The following ZNF644 variants were observed in gnomAD, a reference collection of about 807,000 sequenced individuals.
The protein encoded by ZNF644 is zinc finger protein 644, also known as zinc finger motif enhancer binding protein 2.
ZNF644 carries 20 observed loss-of-function variants against 108.0 expected under a neutral mutation model. The observed-to-expected ratio is 0.19, with a 90% CI of 0.13 to 0.27. ZNF644 has a LOEUF of 0.27. Ranked by LOEUF, ZNF644 falls within the 10% of genes least tolerant of loss-of-function variation. ZNF644 has a pLI of 1.00. For missense variants in ZNF644, 1,338 were observed against 1,548.9 expected (o/e 0.86, Z 2.29); for synonymous variants, 542 against 539.1 (o/e 1.01, Z -0.08).
At chr1:90,947,573 G>A (rs2101017712) in intron 2 of ZNF644, among the ~76,000 whole-genome samples, 1 of 152,098 alleles carries the variant, frequency 6.6e-6, no homozygotes, top group Admixed American at 6.6e-5. Flanking sequence ...TGAGCCTTCT[G>A]GTATTCTTTA....
intron 2 of ZNF644, among the ~76,000 whole-genome samples, chr1:90,946,910 A>G (rs1652573627): frequency 6.6e-6 from 1 of 152,168 alleles, no homozygotes; most frequent in South Asian, 2.1e-4. Context: ...GTACCAGACC[A>G]TAAACACCTA....
chr1:90,987,246 GTTTTTTT>G (rs55996875), intron 1 of ZNF644, among the ~76,000 whole-genome samples: 3 of 121,126 alleles, frequency 2.5e-5, no homozygotes, highest in African/African-American at 6.5e-5. Context: ...CCTAGAGTTG[GTTTTTTT>G]TTTTTTTTTT....
intron 1 of ZNF644, among the ~76,000 whole-genome samples, chr1:90,992,842 T>C (rs2101602992): frequency 6.6e-6 from 1 of 152,012 alleles, no homozygotes; most frequent in South Asian, 2.1e-4. Context: ...AAGCCAGAAG[T>C]TCAAGCAGCC....
At position 90,941,254 on chromosome 1, in the gene ZNF644, C is replaced by CG; in HGVS notation, c.99dup (p.Asp34ArgfsTer6). 1 of 1,600,102 alleles carries CG rather than the reference C, an allele frequency of 6.2e-7. No individual in the cohort carries two copies. Among genetic ancestry groups the CG allele is most frequent in the Non-Finnish European group, 8.5e-7 (1 of 1,176,278 alleles). ...AGTTCTTCTTTAGCACCAGTAATAT[C>CG]GGTGTTTATCTTCAAATCATCCATA... On this transcript the variant is annotated frameshift_variant, in exon 3 of 6. Coordinates refer to ENST00000337393, the MANE Select transcript of ZNF644 (RefSeq NM_201269.3). LOFTEE classifies it high-confidence loss of function.
chr1:90,966,884 G>A (rs915345982), intron 2 of ZNF644, among the ~76,000 whole-genome samples: 1 of 152,062 alleles, frequency 6.6e-6, no homozygotes, highest in Non-Finnish European at 1.5e-5. Context: ...GGAGGCTGAG[G>A]TGGGGAATTT....
At position 91,000,773 on chromosome 1, in the gene ZNF644, T is replaced by C. The variant is rs182934816; in HGVS notation, c.-17-18403A>G. Reference sequence around the variant, plus strand: ...TGGTTTTTTGAAAAGATCAACACAATAGATAGACCACTAGCAACACTAATA... The same window carrying C: ...TGGTTTTTTGAAAAGATCAACACAACAGATAGACCACTAGCAACACTAATA... On this transcript the variant is annotated intron_variant, in intron 1 of 5. Transcript: ENST00000337393. Among the ~76,000 whole-genome samples the C allele has an allele frequency of 3.7e-3, 557 of 151,862 alleles. 3 individuals carry two copies. The highest frequency in any genetic ancestry group is 0.015 in the South Asian group (72 of 4,808).
chr1:90,923,900 CT>C (rs1214478663), intron 4 of ZNF644, among the ~76,000 whole-genome samples: 3 of 152,024 alleles, frequency 2.0e-5, no homozygotes, highest in African/African-American at 7.2e-5. Flanking sequence ...AGTCAACAGC[CT>C]TATAGTTCAG....
At chr1:90,960,039 A>G (rs530759672) in intron 2 of ZNF644, among the ~76,000 whole-genome samples, 20 of 152,268 alleles carry the variant, frequency 1.3e-4, no homozygotes, top group Admixed American at 3.9e-4. Context: ...CTTAGTAATC[A>G]TCTTGGTTAT....
At chr1:91,009,453 C>G (rs1221370017) in intron 1 of ZNF644, among the ~76,000 whole-genome samples, 1 of 152,082 alleles carries the variant, frequency 6.6e-6, no homozygotes, top group Non-Finnish European at 1.5e-5. Context: ...ATTAAAAACT[C>G]TACATTTTAA....
chr1:90,994,371 C>T (rs556641649), intron 1 of ZNF644, among the ~76,000 whole-genome samples: 23 of 152,272 alleles, frequency 1.5e-4, no homozygotes, highest in African/African-American at 5.5e-4. Flanking sequence ...CAAAAATTAT[C>T]TCTGGATAAA....
At chr1:90,920,989 ACTGCC>A (rs1166146344) in intron 4 of ZNF644, among the ~76,000 whole-genome samples, 1 of 152,054 alleles carries the variant, frequency 6.6e-6, no homozygotes, top group African/African-American at 2.4e-5. Context: ...CTCCTGTGAT[ACTGCC>A]CATACCTTTG....
intron 1 of ZNF644, among the ~76,000 whole-genome samples, chr1:91,004,343 C>T (rs959470969): frequency 6.6e-6 from 1 of 152,156 alleles, no homozygotes; most frequent in African/African-American, 2.4e-5. Flanking sequence ...AGACAAACAA[C>T]TTTAGTAACA....
chr1:90,919,977 T>G (rs1410116908), intron 4 of ZNF644, among the ~76,000 whole-genome samples: 1 of 152,094 alleles, frequency 6.6e-6, no homozygotes, highest in Non-Finnish European at 1.5e-5. Context: ...AACTAGGTTA[T>G]TCACAACAAC....
At chr1:90,935,622 A>C (rs1651231147) in intron 4 of ZNF644, 1 of 897,716 alleles carries the variant, frequency 1.1e-6, no homozygotes. Context: ...CACAATAAAG[A>C]TGGTTTTCAA....
intron 4 of ZNF644, 112 bp downstream of exon 4, chr1:90,937,373 C>G: frequency 7.0e-7 from 1 of 1,422,664 alleles, no homozygotes; most frequent in Non-Finnish European, 9.7e-7. Context: ...AAAAAAAAAG[C>G]AGCTTAAACA....
In ZNF644 at chr1:90,916,785, A is replaced by G; in HGVS notation, c.*13T>C. ...ATCCAATTCAAACTGGCTATTTAAA[A>G]GGTTTCCTGGTTCTATGAAGCTGCT... On this transcript the variant is annotated 3_prime_UTR_variant, in exon 6 of 6. Transcript: ENST00000337393. 6.2e-7 allele frequency: 1 copy of G among 1,613,898 alleles called. No homozygotes were observed.
intron 1 of ZNF644, 82 bp from the exon 2 acceptor site, chr1:90,982,452 T>C (rs936860838): frequency 5.4e-6 from 5 of 927,164 alleles, no homozygotes; most frequent in Non-Finnish European, 6.9e-6. Flanking sequence ...ACTATTATTT[T>C]AAATGAAAAA....
intron 2 of ZNF644, among the ~76,000 whole-genome samples, chr1:90,946,867 T>C (rs1208541165): frequency 2.0e-5 from 3 of 152,068 alleles, no homozygotes; most frequent in Non-Finnish European, 2.9e-5. Context: ...CCATCCTCAC[T>C]TGTTAACAGG....
intron 2 of ZNF644, among the ~76,000 whole-genome samples, chr1:90,965,804 C>T (rs1311040008): frequency 2.6e-5 from 4 of 152,104 alleles, no homozygotes; most frequent in Admixed American, 2.6e-4. Flanking sequence ...GGCTGGAACG[C>T]AGTGGCATGA....
Sources: gnomAD v4.1 joint callset for allele counts (sites outside exome capture counted in the v4.1 genomes callset) on GRCh38, gnomAD v4.1.1 for gene constraint, MANE v1.5 for transcripts, NCBI Gene and HGNC (gene_info 2026-07-23, HGNC 2026-07-21) for gene names.